Variants in CHAT observed in about 807,000 individuals in gnomAD.
CHAT encodes acetyl CoA:choline O-acetyltransferase.
A neutral mutation model predicts 76.9 loss-of-function variants in CHAT; 61 were observed. The observed-to-expected ratio is 0.79, with a 90% CI of 0.65 to 0.98. The LOEUF (loss-of-function observed/expected upper bound fraction) is 0.98, where lower values mean the gene tolerates loss of function less well. Among genes scored for constraint, CHAT ranks in the 50% least tolerant of loss-of-function variants. CHAT has a pLI of 0.00. For synonymous variants in CHAT, 407 were observed against 397.4 expected, an observed-to-expected ratio of 1.02 and a Z score of -0.29; for missense variants, 946 against 986.9, an observed-to-expected ratio of 0.96 and a Z score of 0.56.
chr10:49,609,848 G>A (rs1210021468), upstream of CHAT, among the ~76,000 whole-genome samples: 1 of 152,202 alleles, frequency 6.6e-6, no homozygotes, highest in African/African-American at 2.4e-5. Flanking sequence ...TGGACGCAGC[G>A]GCGGCTCACC....
At chr10:49,612,628 G>C (rs902235467), upstream of CHAT, 78 of 405,106 alleles carry the variant, frequency 1.9e-4, no homozygotes, top group Non-Finnish European at 3.2e-4. Context: ...GCCTGCATCT[G>C]TCTGTCCTTC....
chr10:49,613,725 G>A (rs1261957687), upstream of CHAT, among the ~76,000 whole-genome samples: 1 of 152,090 alleles, frequency 6.6e-6, no homozygotes, highest in African/African-American at 2.4e-5. Flanking sequence ...GCCTCTTGCC[G>A]CAGTCCTTAA....
rs555211378 is a variant in CHAT at position 49,662,942 on chromosome 10, T to C, written c.1977+160T>C. On this transcript the variant is annotated intron_variant, in intron 14 of 14. Transcript: ENST00000337653. ...AATGATCTGAATGTTCATTAGAAGA[T>C]GGTTTACTGACCAGGCTTGGTGGCT... Among the ~76,000 whole-genome samples the C allele has an allele frequency of 2.8e-3, 426 of 152,344 alleles. 2 individuals carry two copies. The highest frequency in any genetic ancestry group is 9.3e-3 in the African/African-American group (388 of 41,588).
chr10:49,663,451 A>T (rs1163975413), intron 14 of CHAT, among the ~76,000 whole-genome samples: 2 of 152,130 alleles, frequency 1.3e-5, no homozygotes, highest in African/African-American at 4.8e-5. Context: ...TTATGTAGGG[A>T]GAAAGCCCAG....
At chr10:49,645,585 T>C (rs1184441093) in intron 7 of CHAT, among the ~76,000 whole-genome samples, 1 of 152,040 alleles carries the variant, frequency 6.6e-6, no homozygotes, top group African/African-American at 2.4e-5. Flanking sequence ...CCGGGTGGGC[T>C]TGGTGAACCT....
chr10:49,612,028 G>A (rs1291394463), upstream of CHAT: 1 of 1,613,636 alleles, frequency 6.2e-7, no homozygotes, highest in Non-Finnish European at 8.5e-7. Context: ...CTCCTATTCG[G>A]TGGCCTACGC....
At chr10:49,660,805 A>G (rs1267593490) in intron 13 of CHAT, among the ~76,000 whole-genome samples, 1 of 152,226 alleles carries the variant, frequency 6.6e-6, no homozygotes, top group Non-Finnish European at 1.5e-5. Flanking sequence ...AAGGAGAGAT[A>G]CAAAGATGCT....
upstream of CHAT, chr10:49,611,582 C>T (rs376266845): frequency 6.8e-6 from 11 of 1,608,900 alleles, no homozygotes; most frequent in Non-Finnish European, 9.3e-6. Context: ...GTGGGCACTC[C>T]CATCCACCGC....
chr10:49,631,699 G>C (rs905640877), intron 7 of CHAT, among the ~76,000 whole-genome samples: 3 of 152,190 alleles, frequency 2.0e-5, no homozygotes, highest in Non-Finnish European at 4.4e-5. Context: ...GCTTGAAACT[G>C]AGACTTTAGA....
At position 49,647,300 on chromosome 10, in the gene CHAT, C is replaced by T. The variant is rs561425545; in HGVS notation, c.1281+626C>T. On this transcript the variant is annotated intron_variant, in intron 8 of 14. Transcript: ENST00000337653. ...ACCTAGAGAAAAATACCCATGCAGA[C>T]GGGATGAAGTCAAGGTCAAACCATT... 1.1e-4 allele frequency: 17 copies of T among 156,354 alleles called. No homozygotes were observed. The East Asian group carries it at 1.3e-3, about 12-fold the overall frequency. 9.7% of individuals were successfully genotyped at this position (156,354 alleles called of 1,614,324 possible).
chr10:49,658,583 C>T (rs1225241583), intron 13 of CHAT, among the ~76,000 whole-genome samples: 1 of 152,146 alleles, frequency 6.6e-6, no homozygotes, highest in African/African-American at 2.4e-5. Context: ...GTGGCACATG[C>T]CTGTAATCCC....
At position 49,614,098 on chromosome 10, in the gene CHAT, C is replaced by A; in HGVS notation, c.-92C>A. 1 of 1,544,030 alleles carries A rather than the reference C, an allele frequency of 6.5e-7. No individual in the cohort carries two copies. The highest frequency in any genetic ancestry group is 8.7e-7 in the Non-Finnish European group (1 of 1,146,428). On this transcript the variant is annotated 5_prime_UTR_variant, in exon 1 of 15. Coordinates refer to ENST00000337653, the MANE Select transcript of CHAT (RefSeq NM_020549.5). ...AGTGTTCTGTGCCCCCTTCTAGAGCCTAAATTTGTTGCCCGAGTTCCTCCG... is the reference window on the plus strand; with the variant it reads ...AGTGTTCTGTGCCCCCTTCTAGAGCATAAATTTGTTGCCCGAGTTCCTCCG...
intron 7 of CHAT, among the ~76,000 whole-genome samples, chr10:49,645,637 T>C (rs930564866): frequency 1.3e-5 from 2 of 152,160 alleles, no homozygotes; most frequent in African/African-American, 4.8e-5. Flanking sequence ...GGGCAGCTTC[T>C]GGTGCTCTCT....
chr10:49,612,329 C>A (rs1174935074), upstream of CHAT: 2 of 1,587,270 alleles, frequency 1.3e-6, no homozygotes, highest in South Asian at 2.3e-5. Context: ...TACTACTACA[C>A]CCGCAGCTAG....
At chr10:49,613,972 C>T (rs1005764107), upstream of CHAT, 3 of 819,856 alleles carry the variant, frequency 3.7e-6, no homozygotes, top group East Asian at 2.7e-5. Flanking sequence ...ACCCAACCCT[C>T]TCCAGGATTC....
At chr10:49,646,356 G>A (rs1247031743) in intron 7 of CHAT, 149 bp from the exon 8 acceptor site, 2 of 973,436 alleles carry the variant, frequency 2.1e-6, no homozygotes, top group African/African-American at 1.6e-5. Flanking sequence ...ACCCACAGTG[G>A]GGCAAGGTGG....
upstream of CHAT, among the ~76,000 whole-genome samples, chr10:49,609,824 G>A (rs758573187): frequency 6.6e-6 from 1 of 152,212 alleles, no homozygotes; most frequent in Non-Finnish European, 1.5e-5. Flanking sequence ...CCACAATCCA[G>A]CTGCGAGAAC....
chr10:49,653,062 A>C (rs116015641), intron 11 of CHAT, among the ~76,000 whole-genome samples: 1 of 149,224 alleles, frequency 6.7e-6, no homozygotes, highest in African/African-American at 2.5e-5. Flanking sequence ...TGTTTTCTAG[A>C]CTATCCCCGC....
intron 11 of CHAT, among the ~76,000 whole-genome samples, chr10:49,653,382 C>T (rs1436793702): frequency 2.0e-5 from 3 of 152,258 alleles, no homozygotes; most frequent in Middle Eastern, 3.4e-3. Flanking sequence ...GCAGAAGCAG[C>T]GGCTCATCAA....
Sources: allele counts gnomAD v4.1 joint callset (sites outside exome capture counted in the v4.1 genomes callset), GRCh38; gene constraint gnomAD v4.1.1; transcripts MANE v1.5; gene names NCBI Gene and HGNC (gene_info 2026-07-23, HGNC 2026-07-21).